ERMP1: variants seen among roughly 807,000 people sequenced by gnomAD.
ERMP1 encodes the protein endoplasmic reticulum metallopeptidase 1, also known as Felix-ina.
In ERMP1, 86 loss-of-function variants were observed where a neutral mutation model predicts 92.0. The ratio of observed to expected loss-of-function variants is 0.93; its 90% CI spans 0.79 to 1.12. The LOEUF (loss-of-function observed/expected upper bound fraction) is 1.12, where lower values mean the gene tolerates loss of function less well. Ranked by LOEUF, ERMP1 falls within the 50% of genes most tolerant of loss-of-function variation. The pLI is 0.00. For missense variants in ERMP1, 1,342 were observed against 1,116.3 expected (o/e 1.20, Z -2.88); for synonymous variants, 530 against 412.8 (o/e 1.28, Z -3.44).
At chr9:5,805,309 G>C (rs1408012369) in intron 9 of ERMP1, 92 bp from the exon 10 acceptor site, 1 of 959,340 alleles carries the variant, frequency 1.0e-6, no homozygotes, top group Non-Finnish European at 1.5e-6. Flanking sequence ...TACCCTAACA[G>C]AAATTAGGTT....
At chr9:5,821,176 TATTA>T (rs1377214340) in intron 4 of ERMP1, among the ~76,000 whole-genome samples, 1 of 152,254 alleles carries the variant, frequency 6.6e-6, no homozygotes, top group Non-Finnish European at 1.5e-5. Flanking sequence ...TTTGCTTTAT[TATTA>T]AAGTGATCAT....
chr9:5,799,948 A>C (rs1000958590), intron 11 of ERMP1, among the ~76,000 whole-genome samples: 4 of 152,224 alleles, frequency 2.6e-5, no homozygotes, highest in Admixed American at 1.3e-4. Context: ...AATTTATCAC[A>C]GTGTCCTTCA....
chr9:5,800,122 G>A (rs902129406), intron 11 of ERMP1, among the ~76,000 whole-genome samples: 1 of 152,168 alleles, frequency 6.6e-6, no homozygotes, highest in African/African-American at 2.4e-5. Context: ...ATGTTATCTT[G>A]AAGCAGGATC....
intron 13 of ERMP1, among the ~76,000 whole-genome samples, chr9:5,797,374 G>T (rs1039935451): frequency 6.6e-6 from 1 of 152,002 alleles, no homozygotes; most frequent in African/African-American, 2.4e-5. Context: ...CTTTGGCCGG[G>T]CGTGGTGGCT....
Position 5,846,726 on chromosome 9 carries a change from A to C in ERMP1, n.3199+12742T>G, listed in dbSNP as rs557868786. On this transcript the variant is annotated intron_variant and non_coding_transcript_variant, in intron 6 of 6. Coordinates refer to the ERMP1 transcript ENST00000690753. Reference sequence around the variant, plus strand: ...TGGTCCATAGCTCAGGTACTTTGCTATCCCTGTGGTTCAACATTAATCACC... The same window carrying C: ...TGGTCCATAGCTCAGGTACTTTGCTCTCCCTGTGGTTCAACATTAATCACC... 3.9e-5 allele frequency among the ~76,000 whole-genome samples: 6 copies of C among 152,288 alleles called. No homozygotes were observed. In the East Asian group the frequency reaches 1.2e-3, roughly 29 times the overall value.
At chr9:5,827,042 A>G (rs563677857) in intron 2 of ERMP1, among the ~76,000 whole-genome samples, 3 of 152,234 alleles carry the variant, frequency 2.0e-5, no homozygotes, top group Admixed American at 2.0e-4. Flanking sequence ...AATTGAAGCC[A>G]CCCCCAAAAT....
intron 4 of ERMP1, among the ~76,000 whole-genome samples, chr9:5,823,229 A>G (rs753627580): frequency 6.6e-6 from 1 of 152,122 alleles, no homozygotes; most frequent in Non-Finnish European, 1.5e-5. Flanking sequence ...AGGCTGCATG[A>G]TGGCACCAGT....
At chr9:5,794,324 A>T (rs1828325662) in intron 13 of ERMP1, among the ~76,000 whole-genome samples, 1 of 152,124 alleles carries the variant, frequency 6.6e-6, no homozygotes, top group South Asian at 2.1e-4. Context: ...ATGAATGCAT[A>T]TATTAGAAAA....
chr9:5,835,025 G>C (rs1830075038), upstream of ERMP1, among the ~76,000 whole-genome samples: 1 of 145,464 alleles, frequency 6.9e-6, no homozygotes, highest in South Asian at 2.3e-4. Flanking sequence ...GTGTGTGTGT[G>C]AAAGATCCTC....
chr9:5,831,992 A>T (rs947045555), intron 1 of ERMP1, among the ~76,000 whole-genome samples: 3 of 152,158 alleles, frequency 2.0e-5, no homozygotes, highest in African/African-American at 7.2e-5. Flanking sequence ...AGCTGTTGAA[A>T]ACTTGACGCC....
In ERMP1 at chr9:5,859,554, G is replaced by C. The variant is rs1394022271; in HGVS notation, n.3113C>G. On this transcript the variant is annotated non_coding_transcript_exon_variant, in exon 6 of 7. Transcript: ENST00000690753. Reference sequence around the variant, plus strand: ...GCAAGTGGGCAACATCTTTTACGGAGAGAAGTTCCGAGGCGAAGTTCAGGG... The same window carrying C: ...GCAAGTGGGCAACATCTTTTACGGACAGAAGTTCCGAGGCGAAGTTCAGGG... 3.3e-5 allele frequency among the ~76,000 whole-genome samples: 5 copies of C among 152,192 alleles called. No individual in the cohort carries two copies. The East Asian group carries it at 7.7e-4, about 23-fold the overall frequency.
intron 13 of ERMP1, among the ~76,000 whole-genome samples, chr9:5,792,844 A>G (rs1422561678): frequency 2.6e-5 from 4 of 152,200 alleles, no homozygotes; most frequent in African/African-American, 9.6e-5. Context: ...TAAGAATATA[A>G]AAGAATAGAA....
chr9:5,798,424 C>G (rs904238897), intron 12 of ERMP1, among the ~76,000 whole-genome samples: 2 of 152,022 alleles, frequency 1.3e-5, no homozygotes, highest in African/African-American at 4.8e-5. Context: ...CCAGGTTTGT[C>G]AGGCTGGTCT....
chr9:5,824,155 C>T (rs771826401), intron 3 of ERMP1, among the ~76,000 whole-genome samples, 154 bp from the exon 4 acceptor site: 23 of 152,252 alleles, frequency 1.5e-4, no homozygotes, highest in Non-Finnish European at 1.2e-4. Context: ...ACATCTTCTG[C>T]TTCTTTTCCT....
At chr9:5,836,612 A>G (rs1159916769), upstream of ERMP1, among the ~76,000 whole-genome samples, 4 of 152,228 alleles carry the variant, frequency 2.6e-5, no homozygotes, top group Non-Finnish European at 5.9e-5. Flanking sequence ...TTCAGGGTAC[A>G]CCATCAGTTT....
At chr9:5,861,825 C>T (rs72697350) in intron 5 of ERMP1, among the ~76,000 whole-genome samples, 38,459 of 140,888 alleles carry the variant, frequency 0.27, 5,030 homozygotes, top group East Asian at 0.43. Flanking sequence ...ACTGCTCATT[C>T]TGTTTCTCCA....
chr9:5,857,521 A>C (rs971769406), intron 6 of ERMP1, among the ~76,000 whole-genome samples: 2 of 152,200 alleles, frequency 1.3e-5, no homozygotes, highest in African/African-American at 4.8e-5. Context: ...CAAATATAGA[A>C]TCTGCAAATG....
intron 9 of ERMP1, 132 bp downstream of exon 9, chr9:5,805,479 T>C (rs540867142): frequency 2.8e-6 from 2 of 725,704 alleles, no homozygotes; most frequent in South Asian, 4.7e-5. Flanking sequence ...AGATAATTTG[T>C]GTGGTATGAA....
chr9:5,813,395 T>C (rs556351118), intron 4 of ERMP1, among the ~76,000 whole-genome samples: 15 of 152,344 alleles, frequency 9.8e-5, no homozygotes, highest in East Asian at 3.9e-4. Flanking sequence ...TATATATACT[T>C]TGTACATTTG....
Sources: allele counts gnomAD v4.1 joint callset (sites outside exome capture counted in the v4.1 genomes callset), GRCh38; gene constraint gnomAD v4.1.1; transcripts MANE v1.5; gene names NCBI Gene and HGNC (gene_info 2026-07-23, HGNC 2026-07-21).